NRXN1: variants seen among roughly 807,000 people sequenced by gnomAD.
NRXN1 encodes neurexin-1.
In NRXN1, 39 loss-of-function variants were observed where a neutral mutation model predicts 150.9. The ratio of observed to expected loss-of-function variants is 0.26; its 90% CI spans 0.20 to 0.34. The LOEUF is 0.34. Ranked by LOEUF, NRXN1 falls within the 10% of genes least tolerant of loss-of-function variation. The probability of loss-of-function intolerance (pLI) is 1.00; values close to 1 mark genes in which losing one functional copy is unlikely to be tolerated. For synonymous variants in NRXN1, 924 were observed against 757.0 expected (o/e 1.22, Z -3.62); for missense variants, 1,815 against 1,949.9 (o/e 0.93, Z 1.30).
At chr2:50,774,700 A>T (rs1286854646) in intron 5 of NRXN1, among the ~76,000 whole-genome samples, 4 of 152,162 alleles carry the variant, frequency 2.6e-5, no homozygotes, top group African/African-American at 9.6e-5. Flanking sequence ...AAAGCAGACC[A>T]TTAAACTGAA....
chr2:50,364,190 G>C (rs1213417336), intron 17 of NRXN1, among the ~76,000 whole-genome samples: 6 of 152,148 alleles, frequency 3.9e-5, no homozygotes, highest in Admixed American at 3.9e-4. Context: ...GTTTACCCAT[G>C]TAACAAACCT....
chr2:50,585,760 G>A (rs1291961994), intron 8 of NRXN1, among the ~76,000 whole-genome samples: 1 of 152,010 alleles, frequency 6.6e-6, no homozygotes, highest in African/African-American at 2.4e-5. Context: ...GTTTTTGATG[G>A]GGCCTCAGTC....
At chr2:51,011,080 C>T (rs1032413813) in intron 2 of NRXN1, among the ~76,000 whole-genome samples, 4 of 152,070 alleles carry the variant, frequency 2.6e-5, no homozygotes, top group East Asian at 3.9e-4. Flanking sequence ...AGCCTGATGG[C>T]GCTTTTTAAT....
intron 5 of NRXN1, among the ~76,000 whole-genome samples, chr2:50,785,053 G>T (rs1358317649): frequency 6.6e-6 from 1 of 151,966 alleles, no homozygotes; most frequent in Non-Finnish European, 1.5e-5. Context: ...TAATCCCACA[G>T]AATGTGCCTT....
intron 18 of NRXN1, among the ~76,000 whole-genome samples, chr2:50,153,388 T>C (rs2058811332): frequency 1.3e-5 from 2 of 151,322 alleles, no homozygotes; most frequent in African/African-American, 2.4e-5. Context: ...CAATTCTTTA[T>C]ATGTAATTTT....
intron 5 of NRXN1, among the ~76,000 whole-genome samples, chr2:50,738,126 C>A (rs899993440): frequency 6.6e-6 from 1 of 152,178 alleles, no homozygotes; most frequent in East Asian, 1.9e-4. Context: ...TGTTTCAGAT[C>A]ATGTTAACTT....
intron 22 of NRXN1, among the ~76,000 whole-genome samples, chr2:49,935,943 T>G (rs2104279410): frequency 6.6e-6 from 1 of 152,352 alleles, no homozygotes; most frequent in South Asian, 2.1e-4. Context: ...CATCTTGTTA[T>G]CTTCTTCCAA....
intron 8 of NRXN1, among the ~76,000 whole-genome samples, chr2:50,593,424 A>G (rs1391051803): frequency 1.3e-5 from 2 of 152,198 alleles, no homozygotes; most frequent in East Asian, 3.9e-4. Context: ...ATATTTTTCT[A>G]TCTTTAGAAT....
chr2:50,516,825 G>C (rs1369822530), intron 12 of NRXN1, among the ~76,000 whole-genome samples: 1 of 151,904 alleles, frequency 6.6e-6, no homozygotes, highest in African/African-American at 2.4e-5. Context: ...AAAAATACTA[G>C]AAATACTCAT....
chr2:50,291,436 A>G (rs1230400723), intron 17 of NRXN1, among the ~76,000 whole-genome samples: 4 of 152,188 alleles, frequency 2.6e-5, no homozygotes, highest in Non-Finnish European at 5.9e-5. Flanking sequence ...AATATGTTCA[A>G]CAGGCGATAC....
chr2:50,025,210 C>T (rs1258263739), intron 21 of NRXN1, among the ~76,000 whole-genome samples: 1 of 152,194 alleles, frequency 6.6e-6, no homozygotes, highest in Non-Finnish European at 1.5e-5. Context: ...TACTAACCCA[C>T]TACACCTGCG....
intron 21 of NRXN1, among the ~76,000 whole-genome samples, chr2:49,957,062 T>A (rs1431343039): frequency 6.6e-6 from 1 of 152,094 alleles, no homozygotes; most frequent in Non-Finnish European, 1.5e-5. Flanking sequence ...GAAATTGAAC[T>A]TCAATGTGTA....
At chr2:50,711,329 C>CTTTTTTT (rs765521627) in intron 5 of NRXN1, among the ~76,000 whole-genome samples, 2 of 89,876 alleles carry the variant, frequency 2.2e-5, no homozygotes, top group Non-Finnish European at 2.2e-5. Context: ...AGGTACTGGA[C>CTTTTTTT]TTTTTTTTTT....
chr2:50,903,566 AC>A (rs1683247304), intron 5 of NRXN1, among the ~76,000 whole-genome samples: 1 of 151,956 alleles, frequency 6.6e-6, no homozygotes, highest in South Asian at 2.1e-4. Flanking sequence ...TCATAGCCCC[AC>A]CCCCACAACA....
At chr2:50,008,823 G>A (rs1309802150) in intron 21 of NRXN1, among the ~76,000 whole-genome samples, 9 of 151,990 alleles carry the variant, frequency 5.9e-5, no homozygotes, top group Non-Finnish European at 8.8e-5. Context: ...TACTCAACAC[G>A]TTTTAAGTGG....
At chr2:50,086,455 C>A (rs1386800559) in intron 19 of NRXN1, among the ~76,000 whole-genome samples, 2 of 152,086 alleles carry the variant, frequency 1.3e-5, no homozygotes, top group Admixed American at 1.3e-4. Flanking sequence ...AAGATTTACA[C>A]CATCTCTATG....
intron 17 of NRXN1, among the ~76,000 whole-genome samples, chr2:50,324,648 TCTC>T (rs1296284420): frequency 1.3e-5 from 2 of 152,190 alleles, no homozygotes; most frequent in Admixed American, 6.5e-5. Context: ...TTCACGCCAT[TCTC>T]CTGCCTCAGC....
intron 5 of NRXN1, among the ~76,000 whole-genome samples, chr2:50,855,637 C>T (rs757270248): frequency 2.6e-5 from 4 of 151,412 alleles, no homozygotes; most frequent in Non-Finnish European, 1.5e-5. Flanking sequence ...AAGATTTGGC[C>T]GAAAGAAAGT....
intron 10 of NRXN1, among the ~76,000 whole-genome samples, chr2:50,536,268 C>T (rs1426654899): frequency 6.6e-6 from 1 of 152,134 alleles, no homozygotes; most frequent in South Asian, 2.1e-4. Flanking sequence ...AGTCCAGTAA[C>T]AAGAACCACC....
Sources: gnomAD v4.1 joint callset for allele counts (sites outside exome capture counted in the v4.1 genomes callset) on GRCh38, gnomAD v4.1.1 for gene constraint, MANE v1.5 for transcripts, NCBI Gene and HGNC (gene_info 2026-07-23, HGNC 2026-07-21) for gene names.